PRND: variants seen among roughly 807,000 people sequenced by gnomAD.
PRND encodes the protein prion like protein doppel.
For synonymous variants in PRND, 94 were observed against 93.2 expected (o/e 1.01, Z -0.05); for missense variants, 227 against 223.3 (o/e 1.02, Z -0.11).
Position 4,725,035 on chromosome 20 carries a change from C to G in PRND, c.484C>G (p.Pro162Ala). 1 of 1,613,564 alleles carries G rather than the reference C, an allele frequency of 6.2e-7. No individual in the cohort carries two copies. Among genetic ancestry groups the G allele is most frequent in the Middle Eastern group, 1.6e-4 (1 of 6,062 alleles). ...GAGLRVTMHQ[P>A]VLLCLLALIW... ...AGGACTTCGGGTCACCATGCACCAG[C>G]CAGTGCTCCTCTGCCTTCTGGCTTT... The change falls in exon 2 of 2, where the codon CCA (proline) becomes GCA (alanine). Residue 162 changes from proline (P) to alanine (A), a missense_variant. Coordinates refer to ENST00000305817, the MANE Select transcript of PRND (RefSeq NM_012409.4).
chr20:4,725,506 T>C lies in PRND; in HGVS notation c.*424T>C, dbSNP rs965448896. 7 of 191,912 alleles carry C rather than the reference T, an allele frequency of 3.6e-5. 1 individual carries two copies. Among genetic ancestry groups the C allele is most frequent in the Middle Eastern group, 5.4e-3 (2 of 372 alleles). 11.9% of individuals were successfully genotyped at this position (191,912 alleles called of 1,614,324 possible). On this transcript the variant is annotated 3_prime_UTR_variant, in exon 2 of 2. Transcript: ENST00000305817. ...AAGTGGCAGAGCCAGGATTCAACCCTGGCTTGTCTAACCCCAGGTTTTCTG... is the reference window on the plus strand; with the variant it reads ...AAGTGGCAGAGCCAGGATTCAACCCCGGCTTGTCTAACCCCAGGTTTTCTG...
In PRND at chr20:4,725,198, C is replaced by T. The variant is rs1314209316; in HGVS notation, c.*116C>T. 9 of 1,328,918 alleles carry T rather than the reference C, an allele frequency of 6.8e-6. No homozygotes were observed. Among genetic ancestry groups the T allele is most frequent in the Non-Finnish European group, 9.4e-6 (9 of 959,868 alleles). The allele number at this position is 1,328,918 out of a possible 1,614,324, so 82.3% of individuals were successfully genotyped here. ...GAAGGTGCCCAGGAGCGGCGATGCACTCGCACTGCAAATGCCGCTCTCACG... is the reference window on the plus strand; with the variant it reads ...GAAGGTGCCCAGGAGCGGCGATGCATTCGCACTGCAAATGCCGCTCTCACG... On this transcript the variant is annotated 3_prime_UTR_variant, in exon 2 of 2. Transcript: ENST00000305817.
At position 4,724,987 on chromosome 20, in the gene PRND, G is replaced by A. The variant is rs777597938; in HGVS notation, c.436G>A (p.Glu146Lys). The A allele has an allele frequency of 6.8e-6, 11 of 1,613,690 alleles. No homozygotes were observed. The highest frequency in any genetic ancestry group is 2.2e-5 in the East Asian group (1 of 44,872). ...GGAGCTCTGCTCCCTCAAGCATTGC[G>A]AGTTTTGGTTGGAGAGGGGCGCAGG... ...VQELCSLKHC[E>K]FWLERGAGLR... Residue 146 changes from glutamate to lysine, a missense_variant, in exon 2 of 2, where the codon GAG becomes AAG. Glu to Lys is a moderately conservative substitution (Grantham distance 56). Coordinates refer to ENST00000305817, the MANE Select transcript of PRND (RefSeq NM_012409.4). The surrounding 1 kb of genome is among the most constrained non-coding windows in gnomAD (Gnocchi z 4.8).
In PRND at chr20:4,724,893, G is replaced by A. The variant is rs201600183; in HGVS notation, c.342G>A (p.Ala114=). Reference sequence around the variant, plus strand: ...CCGGCTGCATCAATGCCACCCAGGCGGCGAACCAGGGGGAGTTCCAGAAGC... The same window carrying A: ...CCGGCTGCATCAATGCCACCCAGGCAGCGAACCAGGGGGAGTTCCAGAAGC... The part of the protein sequence containing the change: ...FVTGCINATQ[A]ANQGEFQKPD... Residue 114 remains alanine, a synonymous_variant, in exon 2 of 2, where the codon GCG becomes GCA. Coordinates refer to ENST00000305817, the MANE Select transcript of PRND (RefSeq NM_012409.4). The surrounding 1 kb of genome is among the most constrained non-coding windows in gnomAD (Gnocchi z 4.8). 1.3e-4 allele frequency: 215 copies of A among 1,614,050 alleles called. No individual in the cohort carries two copies. Among genetic ancestry groups the A allele is most frequent in the Non-Finnish European group, 8.9e-5 (105 of 1,180,040 alleles).
In PRND at chr20:4,727,396, A is replaced by G. The variant is rs1006904112; in HGVS notation, c.*2314A>G. 6.0e-6 allele frequency: 1 copy of G among 167,084 alleles called. No individual in the cohort carries two copies. Among genetic ancestry groups the G allele is most frequent in the East Asian group, 1.9e-4 (1 of 5,206 alleles). The allele number at this position is 167,084 out of a possible 1,614,324, so 10.4% of individuals were successfully genotyped here. A position where few individuals can be genotyped will look rare whatever the true frequency, so the allele number is the denominator to read the frequency against. On this transcript the variant is annotated 3_prime_UTR_variant, in exon 2 of 2. Transcript: ENST00000305817. ...TCAAGTTGATGAATCATGGGGTGGA[A>G]TAAAGGCTGAGTTTAGTTTTTCACT...
At position 4,724,453 on chromosome 20, in the gene PRND, C is replaced by T. The variant is rs544319329; in HGVS notation, c.-11-88C>T. The stretch of plus-strand genomic sequence containing the variant: ...CATAAATAGCACAAGGATGCGATTC[C>T]TTCCTTAAAATCTCCTGCACTTGGG... On this transcript the variant is annotated intron_variant, in intron 1 of 1. Coordinates refer to ENST00000305817, the MANE Select transcript of PRND (RefSeq NM_012409.4). This position sits in a 1 kb window ranked among gnomAD's most constrained non-coding sequence, Gnocchi z 4.8. 452 of 1,520,774 alleles carry T rather than the reference C, an allele frequency of 3.0e-4. No individual in the cohort carries two copies. The highest frequency in any genetic ancestry group is 3.8e-4 in the Non-Finnish European group (417 of 1,099,588). The allele number at this position is 1,520,774 out of a possible 1,614,324, so 94.2% of individuals were successfully genotyped here.
At position 4,727,351 on chromosome 20, in the gene PRND, GT is replaced by G. The variant is rs1433587676; in HGVS notation, c.*2270del. On this transcript the variant is annotated 3_prime_UTR_variant, in exon 2 of 2. Transcript: ENST00000305817. Reference sequence around the variant, plus strand: ...TTATGGGGCTTTTAATCGAACGCGTGTGTGCCTGAACATTCTTGCTCAAGTT... The same window carrying G: ...TTATGGGGCTTTTAATCGAACGCGTGGTGCCTGAACATTCTTGCTCAAGTT... 6.0e-6 allele frequency: 1 copy of G among 167,056 alleles called. No homozygotes were observed. Among genetic ancestry groups the G allele is most frequent in the Non-Finnish European group, 1.5e-5 (1 of 68,120 alleles). 10.3% of individuals were successfully genotyped at this position (167,056 alleles called of 1,614,324 possible). A position where few individuals can be genotyped will look rare whatever the true frequency, so the allele number is the denominator to read the frequency against.
rs146380946 is a variant in PRND, at chr20:4,724,785, C to A, written c.234C>A (p.Tyr78Ter). The change falls in exon 2 of 2, where the codon TAC (tyrosine) becomes TAA (stop). Residue 78 changes from tyrosine (Y) to a stop codon, truncating the protein, a stop_gained. Transcript: ENST00000305817. LOFTEE classifies it low-confidence loss of function (END_TRUNC). This position sits in a 1 kb window ranked among gnomAD's most constrained non-coding sequence, Gnocchi z 4.8. Reference sequence around the variant, plus strand: ...TCGGAGCCGAGGGCAACAGGTACTACGAGGCCAACTACTGGCAGTTCCCCG... The same window carrying A: ...TCGGAGCCGAGGGCAACAGGTACTAAGAGGCCAACTACTGGCAGTTCCCCG... ...IDFGAEGNRYYEANYWQFPDG... is the reference protein window; with the variant it reads ...IDFGAEGNRY 3 of 1,614,214 alleles carry A rather than the reference C, an allele frequency of 1.9e-6. No individual in the cohort carries two copies. The highest frequency in any genetic ancestry group is 2.5e-6 in the Non-Finnish European group (3 of 1,180,042).
chr20:4,724,365 C>T lies in PRND; in HGVS notation c.-11-176C>T, dbSNP rs1923196242. ...TGTAATCCTAGCAATAGCAAAGGAG[C>T]TCGGTGTTTGAGTTAACCCTGCACA... is the stretch of plus-strand genomic sequence containing the variant. On this transcript the variant is annotated intron_variant, in intron 1 of 1. Coordinates refer to ENST00000305817, the MANE Select transcript of PRND (RefSeq NM_012409.4). The surrounding 1 kb of genome is among the most constrained non-coding windows in gnomAD (Gnocchi z 4.8). Among the ~76,000 whole-genome samples, 1 of 152,208 alleles carries T rather than the reference C, an allele frequency of 6.6e-6. No homozygotes were observed. The highest frequency in any genetic ancestry group is 6.5e-5 in the Admixed American group (1 of 15,282).
Position 4,724,979 on chromosome 20 carries a change from A to G in PRND, c.428A>G (p.Lys143Arg). The change falls in exon 2 of 2, where the codon AAG becomes AGG. Residue 143 changes from lysine to arginine, a missense_variant. Transcript: ENST00000305817. The surrounding 1 kb of genome is among the most constrained non-coding windows in gnomAD (Gnocchi z 4.8). ...CTGGTCCAGGAGCTCTGCTCCCTCA[A>G]GCATTGCGAGTTTTGGTTGGAGAGG... ...WRLVQELCSL[K>R]HCEFWLERGA... 2 of 1,613,866 alleles carry G rather than the reference A, an allele frequency of 1.2e-6. No individual in the cohort carries two copies. Among genetic ancestry groups the G allele is most frequent in the Non-Finnish European group, 1.7e-6 (2 of 1,179,944 alleles).
At position 4,728,040 on chromosome 20, in the gene PRND, G is replaced by A. The variant is rs150640998; in HGVS notation, c.*2958G>A. On this transcript the variant is annotated 3_prime_UTR_variant, in exon 2 of 2. Coordinates refer to ENST00000305817, the MANE Select transcript of PRND (RefSeq NM_012409.4). ...TGACATCAGGTGATCCACCTGCCTC[G>A]GCCTCCCAAAGTGCTGGGATTACAG... 8.6e-3 allele frequency: 1,424 copies of A among 165,418 alleles called. 7 individuals carry two copies. Among genetic ancestry groups the A allele is most frequent in the Admixed American group, 9.5e-3 (145 of 15,228 alleles). The allele number at this position is 165,418 out of a possible 1,614,324, so 10.2% of individuals were successfully genotyped here.
intron 1 of PRND, among the ~76,000 whole-genome samples, chr20:4,722,966 G>A (rs539929860): frequency 1.5e-4 from 23 of 152,272 alleles, no homozygotes; most frequent in Admixed American, 3.9e-4. Flanking sequence ...GCAGCCCTTC[G>A]GATGTCCCAG....
At position 4,727,586 on chromosome 20, in the gene PRND, G is replaced by A. The variant is rs1291266447; in HGVS notation, c.*2504G>A. On this transcript the variant is annotated 3_prime_UTR_variant, in exon 2 of 2. Coordinates refer to ENST00000305817, the MANE Select transcript of PRND (RefSeq NM_012409.4). ...TAAAATATAAGTTTATTGTAAAAGT[G>A]ACATGAAAATTACAACAGATATTCC... The A allele has an allele frequency of 6.0e-6, 1 of 167,022 alleles. No individual in the cohort carries two copies. Among genetic ancestry groups the A allele is most frequent in the Admixed American group, 6.5e-5 (1 of 15,280 alleles). 10.3% of individuals were successfully genotyped at this position (167,022 alleles called of 1,614,324 possible).
intron 1 of PRND, among the ~76,000 whole-genome samples, chr20:4,722,579 C>CT (rs57057107): frequency 0.06 from 8,915 of 147,666 alleles, 308 homozygotes; most frequent in East Asian, 0.15. Flanking sequence ...TGTGTTTTGC[C>CT]TTTTTTTTTT....
Position 4,727,468 on chromosome 20 carries a change from G to A in PRND, c.*2386G>A, listed in dbSNP as rs1319772218. ...GCCTACTATGTGCGAGACATTGGGA[G>A]GGGCTTCTGAATTATTCTGGATATC... On this transcript the variant is annotated 3_prime_UTR_variant, in exon 2 of 2. Coordinates refer to ENST00000305817, the MANE Select transcript of PRND (RefSeq NM_012409.4). 4 of 167,054 alleles carry A rather than the reference G, an allele frequency of 2.4e-5. No individual in the cohort carries two copies. Among genetic ancestry groups the A allele is most frequent in the Admixed American group, 6.5e-5 (1 of 15,282 alleles). The allele number at this position is 167,054 out of a possible 1,614,324, so 10.3% of individuals were successfully genotyped here.
At position 4,727,646 on chromosome 20, in the gene PRND, T is replaced by C. The variant is rs1923313977; in HGVS notation, c.*2564T>C. 1 of 167,064 alleles carries C rather than the reference T, an allele frequency of 6.0e-6. No homozygotes were observed. The highest frequency in any genetic ancestry group is 2.4e-5 in the African/African-American group (1 of 41,448). The allele number at this position is 167,064 out of a possible 1,614,324, so 10.3% of individuals were successfully genotyped here. A position where few individuals can be genotyped will look rare whatever the true frequency, so the allele number is the denominator to read the frequency against. On this transcript the variant is annotated 3_prime_UTR_variant, in exon 2 of 2. Transcript: ENST00000305817. ...TAATACAACAATCCCAGCATCTGAT[T>C]GAGTCAGTGTTTGCTGTTTCCCCTG... is the stretch of plus-strand genomic sequence containing the variant.
rs1923328379 is a variant in PRND at position 4,727,930 on chromosome 20, T to A, written c.*2848T>A. 8 of 160,500 alleles carry A rather than the reference T, an allele frequency of 5.0e-5. No individual in the cohort carries two copies. The Admixed American group carries it at 5.2e-4, about 11-fold the overall frequency. 9.9% of individuals were successfully genotyped at this position (160,500 alleles called of 1,614,324 possible). A position where few individuals can be genotyped will look rare whatever the true frequency, so the allele number is the denominator to read the frequency against. ...CCTCCCAAGTAGGTGGGATTACAGG[T>A]GCCCACCACCAAGCCCTGCAAATTT... On this transcript the variant is annotated 3_prime_UTR_variant, in exon 2 of 2. Transcript: ENST00000305817.
Position 4,727,413 on chromosome 20 carries a change from T to G in PRND, c.*2331T>G. On this transcript the variant is annotated 3_prime_UTR_variant, in exon 2 of 2. Transcript: ENST00000305817. ...GGGGTGGAATAAAGGCTGAGTTTAGTTTTTCACTTTAGCAAAGGGGCAATG... is the reference window on the plus strand; with the variant it reads ...GGGGTGGAATAAAGGCTGAGTTTAGGTTTTCACTTTAGCAAAGGGGCAATG... 1 of 167,192 alleles carries G rather than the reference T, an allele frequency of 6.0e-6. No homozygotes were observed. 10.4% of individuals were successfully genotyped at this position (167,192 alleles called of 1,614,324 possible).
In PRND at chr20:4,724,507, G is replaced by A. The variant is rs2122260241; in HGVS notation, c.-11-34G>A. On this transcript the variant is annotated intron_variant, in intron 1 of 1. Transcript: ENST00000305817. This position sits in a 1 kb window ranked among gnomAD's most constrained non-coding sequence, Gnocchi z 4.8. ...GGGCAGGGGAGCCCAGGCAGGCCTGGTGGGGAGCTGACCCACCGCCGTTTC... is the reference window on the plus strand; with the variant it reads ...GGGCAGGGGAGCCCAGGCAGGCCTGATGGGGAGCTGACCCACCGCCGTTTC... 1.2e-6 allele frequency: 2 copies of A among 1,613,194 alleles called. No individual in the cohort carries two copies. Among genetic ancestry groups the A allele is most frequent in the Non-Finnish European group, 1.7e-6 (2 of 1,179,952 alleles).
Sources: gnomAD v4.1 joint callset for allele counts (sites outside exome capture counted in the v4.1 genomes callset) on GRCh38, gnomAD v4.1.1 for gene constraint, Gnocchi (gnomAD v3.1) non-coding constraint, MANE v1.5 for transcripts, NCBI Gene and HGNC (gene_info 2026-07-23, HGNC 2026-07-21) for gene names.